The following PTPN6 variants were observed in gnomAD, a reference collection of about 807,000 sequenced individuals.
PTPN6 encodes protein tyrosine phosphatase non-receptor type 6.
Under a neutral mutation model 81.5 loss-of-function variants are expected in PTPN6, and 18 were observed. That is an observed-to-expected ratio of 0.22 (90% CI 0.15 to 0.33). The LOEUF (loss-of-function observed/expected upper bound fraction) is 0.33, where lower values mean the gene tolerates loss of function less well. Among genes scored for constraint, PTPN6 ranks in the 10% least tolerant of loss-of-function variants. The pLI, the probability that PTPN6 is intolerant of heterozygous loss-of-function variation, is 1.00. For synonymous variants in PTPN6, 301 were observed against 310.9 expected (o/e 0.97, Z 0.33); for missense variants, 500 against 794.2 (o/e 0.63, Z 4.45).
rs114389104 is a variant in PTPN6, at chr12:6,952,664, G to T, written c.326+487G>T. 2,556 of 257,184 alleles carry T rather than the reference G, an allele frequency of 9.9e-3. 50 individuals are homozygous for T. Among genetic ancestry groups the T allele is most frequent in the African/African-American group, 0.044 (2,003 of 45,064 alleles). The allele number at this position is 257,184 out of a possible 1,614,324, so 15.9% of individuals were successfully genotyped here. The stretch of plus-strand genomic sequence containing the variant: ...GATGCCTTGTCCCAGCCGCCCCGTG[G>T]GGATGGGTCTGTCCTGTGGGGTCAA... On this transcript the variant is annotated intron_variant, in intron 3 of 15. Coordinates refer to ENST00000318974, the MANE Select transcript of PTPN6 (RefSeq NM_002831.6). The surrounding 1 kb of genome is among the most constrained non-coding windows in gnomAD (Gnocchi z 8.1).
rs781832629 is a variant in PTPN6 at position 6,957,880 on chromosome 12, G to A, written c.1207-39G>A. ...TAGGGTGAGATGGATGAGGTGTTCCGAGAGAGGAGGGGGCACTGACCCTAT... is the reference window on the plus strand; with the variant it reads ...TAGGGTGAGATGGATGAGGTGTTCCAAGAGAGGAGGGGGCACTGACCCTAT... On this transcript the variant is annotated intron_variant, in intron 10 of 15. Coordinates refer to ENST00000318974, the MANE Select transcript of PTPN6 (RefSeq NM_002831.6). The surrounding 1 kb of genome is among the most constrained non-coding windows in gnomAD (Gnocchi z 6.5). The A allele has an allele frequency of 2.5e-6, 4 of 1,613,942 alleles. No individual in the cohort carries two copies. Among genetic ancestry groups the A allele is most frequent in the South Asian group, 1.1e-5 (1 of 91,066 alleles).
chr12:6,952,256 C>T lies in PTPN6; in HGVS notation c.326+79C>T. 4.5e-6 allele frequency: 7 copies of T among 1,556,754 alleles called. No homozygotes were observed. The highest frequency in any genetic ancestry group is 6.2e-6 in the Non-Finnish European group (7 of 1,133,370). On this transcript the variant is annotated intron_variant, in intron 3 of 15. Transcript: ENST00000318974. The surrounding 1 kb of genome is among the most constrained non-coding windows in gnomAD (Gnocchi z 8.1). ...CTGAACAGCCAGGGAGGCAGGGAGACTGGCAGCCGGCGCTGCCTACCCTCC... is the reference window on the plus strand; with the variant it reads ...CTGAACAGCCAGGGAGGCAGGGAGATTGGCAGCCGGCGCTGCCTACCCTCC...
Position 6,956,342 on chromosome 12 carries a change from G to T in PTPN6, c.925-77G>T. 1 of 1,612,016 alleles carries T rather than the reference G, an allele frequency of 6.2e-7. No homozygotes were observed. Among genetic ancestry groups the T allele is most frequent in the Non-Finnish European group, 8.5e-7 (1 of 1,178,124 alleles). ...GAAGCTGGCTTCTTGCATGGGTGAG[G>T]GTGGCAGTGGTTCAGGGCCTGTGCT... On this transcript the variant is annotated intron_variant, in intron 8 of 15. Coordinates refer to ENST00000318974, the MANE Select transcript of PTPN6 (RefSeq NM_002831.6). The surrounding 1 kb of genome is among the most constrained non-coding windows in gnomAD (Gnocchi z 4.1).
chr12:6,950,970 G>A (rs189414419), upstream of PTPN6, among the ~76,000 whole-genome samples: 104 of 152,290 alleles, frequency 6.8e-4, no homozygotes, highest in African/African-American at 2.2e-3. Flanking sequence ...CACAGCGCCC[G>A]GCATCCAGCA....
chr12:6,947,578 A>G (rs781962182), upstream of PTPN6, among the ~76,000 whole-genome samples: 1 of 149,902 alleles, frequency 6.7e-6, no homozygotes, highest in East Asian at 2.0e-4. Context: ...CTAAGGTGAG[A>G]GGCTTGCTTG....
Position 6,960,102 on chromosome 12 carries a change from A to G in PTPN6, c.1444A>G (p.Ile482Val). The G allele has an allele frequency of 6.2e-7, 1 of 1,613,760 alleles. No individual in the cohort carries two copies. The highest frequency in any genetic ancestry group is 1.1e-5 in the South Asian group (1 of 91,082). ...NISTKGLDCD[I>V]DIQKTIQMVR... ...CCCCCACCCAGGCCTGGACTGTGAC[A>G]TTGACATCCAGAAGACCATCCAGAT... Residue 482 changes from isoleucine (I) to valine (V), a missense_variant, in exon 13 of 16, where the codon ATT (isoleucine) becomes GTT (valine). Ile to Val is a conservative substitution (Grantham distance 29). This residue lies in a region of PTPN6 where 226 missense variants were observed against 364.4 expected (regional missense o/e 0.62). Coordinates refer to ENST00000318974, the MANE Select transcript of PTPN6 (RefSeq NM_002831.6). This position sits in a 1 kb window ranked among gnomAD's most constrained non-coding sequence, Gnocchi z 6.1.
chr12:6,948,495 A>T (rs1375254739), upstream of PTPN6, among the ~76,000 whole-genome samples: 1 of 151,490 alleles, frequency 6.6e-6, no homozygotes, highest in African/African-American at 2.4e-5. Flanking sequence ...GAAAAAGAGA[A>T]AGAAGGAAAA....
At position 6,952,257 on chromosome 12, in the gene PTPN6, T is replaced by A; in HGVS notation, c.326+80T>A. ...TGAACAGCCAGGGAGGCAGGGAGAC[T>A]GGCAGCCGGCGCTGCCTACCCTCCA... On this transcript the variant is annotated intron_variant, in intron 3 of 15. Coordinates refer to ENST00000318974, the MANE Select transcript of PTPN6 (RefSeq NM_002831.6). This position sits in a 1 kb window ranked among gnomAD's most constrained non-coding sequence, Gnocchi z 8.1. 1 of 1,552,162 alleles carries A rather than the reference T, an allele frequency of 6.4e-7. No homozygotes were observed. The highest frequency in any genetic ancestry group is 8.9e-7 in the Non-Finnish European group (1 of 1,129,460).
chr12:6,946,615 T>C (rs967370119), upstream of PTPN6: 36 of 860,614 alleles, frequency 4.2e-5, no homozygotes, highest in Non-Finnish European at 6.0e-5. Context: ...AAGTGGCTGA[T>C]TACTGAGCGG....
chr12:6,955,893 A>C lies in PTPN6; in HGVS notation c.844+137A>C. 1.1e-6 allele frequency: 1 copy of C among 878,960 alleles called. No homozygotes were observed. The highest frequency in any genetic ancestry group is 1.8e-6 in the Non-Finnish European group (1 of 545,924). The allele number at this position is 878,960 out of a possible 1,614,324, so 54.4% of individuals were successfully genotyped here. On this transcript the variant is annotated intron_variant, in intron 7 of 15. Transcript: ENST00000318974. This position sits in a 1 kb window ranked among gnomAD's most constrained non-coding sequence, Gnocchi z 7.2. ...CCCCACAGAGCCTCCCCCTTCTCCA[A>C]AAGGCCTCTACTCCTCCCAGAAGTG... is the stretch of plus-strand genomic sequence containing the variant.
chr12:6,946,811 C>G (rs1945827419), upstream of PTPN6: 9 of 1,475,302 alleles, frequency 6.1e-6, no homozygotes, highest in Admixed American at 1.8e-5. Flanking sequence ...TGTTGATGCT[C>G]ACTCCGACGT....
intron 11 of PTPN6, among the ~76,000 whole-genome samples, chr12:6,958,883 G>A (rs1175169924): frequency 2.0e-5 from 3 of 152,182 alleles, no homozygotes; most frequent in African/African-American, 7.2e-5. Flanking sequence ...CAGGGTTGTC[G>A]TGAGAACTCA....
chr12:6,946,904 C>A (rs74057231), upstream of PTPN6, among the ~76,000 whole-genome samples: 62 of 150,544 alleles, frequency 4.1e-4, no homozygotes, highest in African/African-American at 1.3e-3. Context: ...GGTGTGAGGA[C>A]CCCCGGCTCA....
Position 6,960,492 on chromosome 12 carries a change from A to G in PTPN6, c.1673+57A>G. 6.5e-7 allele frequency: 1 copy of G among 1,548,610 alleles called. No homozygotes were observed. ...CCACCCCTTTGTCCTGCCCAGCCCG[A>G]TCCTCACTTTCTGGAGAGGACAAGT... On this transcript the variant is annotated intron_variant, in intron 14 of 15. Coordinates refer to ENST00000318974, the MANE Select transcript of PTPN6 (RefSeq NM_002831.6). The surrounding 1 kb of genome is among the most constrained non-coding windows in gnomAD (Gnocchi z 6.1).
chr12:6,946,893 A>AG (rs1945830215), upstream of PTPN6, among the ~76,000 whole-genome samples: 1 of 151,080 alleles, frequency 6.6e-6, no homozygotes, highest in South Asian at 2.1e-4. Flanking sequence ...CCTTCCCGCA[A>AG]GGTGTGAGGA....
At chr12:6,947,058 T>G (rs782220144), upstream of PTPN6, among the ~76,000 whole-genome samples, 1 of 152,070 alleles carries the variant, frequency 6.6e-6, no homozygotes, top group African/African-American at 2.4e-5. Flanking sequence ...TCACAACACC[T>G]CAAACATAGC....
At position 6,959,449 on chromosome 12, in the gene PTPN6, A is replaced by C; in HGVS notation, c.1362-478A>C. On this transcript the variant is annotated intron_variant, in intron 11 of 15. Coordinates refer to ENST00000318974, the MANE Select transcript of PTPN6 (RefSeq NM_002831.6). This position sits in a 1 kb window ranked among gnomAD's most constrained non-coding sequence, Gnocchi z 6.6. ...CTGCACTGCTCCCCTGAGTCCCCTG[A>C]CCCTGTGCCCCCGCACCCTGCTGTC... is the stretch of plus-strand genomic sequence containing the variant. The C allele has an allele frequency of 3.9e-6, 1 of 253,952 alleles. No individual in the cohort carries two copies. The highest frequency in any genetic ancestry group is 4.3e-5 in the South Asian group (1 of 23,200). The allele number at this position is 253,952 out of a possible 1,614,324, so 15.7% of individuals were successfully genotyped here. A position where few individuals can be genotyped will look rare whatever the true frequency, so the allele number is the denominator to read the frequency against.
In PTPN6 at chr12:6,958,016, A is replaced by G. The variant is rs1356734316; in HGVS notation, c.1304A>G (p.Gln435Arg). 3.1e-6 allele frequency: 5 copies of G among 1,613,436 alleles called. No homozygotes were observed. The African/African-American group carries it at 6.7e-5, about 22-fold the overall frequency. ...EPGGVLSFLDQINQRQESLPH... is the reference protein window; with the variant it reads ...EPGGVLSFLDRINQRQESLPH... Reference sequence around the variant, plus strand: ...GGGGGTGTCCTCAGCTTCCTGGACCAGATCAACCAGCGGCAGGAAAGTCTG... The same window carrying G: ...GGGGGTGTCCTCAGCTTCCTGGACCGGATCAACCAGCGGCAGGAAAGTCTG... Residue 435 changes from glutamine to arginine, a missense_variant, in exon 11 of 16, where the codon CAG becomes CGG. Gln to Arg is a conservative substitution (Grantham distance 43). Coordinates refer to ENST00000318974, the MANE Select transcript of PTPN6 (RefSeq NM_002831.6).
At position 6,960,441 on chromosome 12, in the gene PTPN6, T is replaced by C. The variant is rs1555149654; in HGVS notation, c.1673+6T>C. 5.0e-6 allele frequency: 8 copies of C among 1,612,692 alleles called. No individual in the cohort carries two copies. The South Asian group carries it at 7.7e-5, about 16-fold the overall frequency. On this transcript the variant is annotated splice_donor_region_variant and intron_variant, in intron 14 of 15. Transcript: ENST00000318974. The surrounding 1 kb of genome is among the most constrained non-coding windows in gnomAD (Gnocchi z 6.1). ...GCCTCCCGCACCTCGTCCAAGTGAG[T>C]GGCCCTGACTGCCACTGCCCGGCAT...
Sources: allele counts gnomAD v4.1 joint callset (sites outside exome capture counted in the v4.1 genomes callset), GRCh38; gene constraint gnomAD v4.1.1; regional missense constraint gnomAD v4.1.1; non-coding constraint Gnocchi (gnomAD v3.1); transcripts MANE v1.5; gene names NCBI Gene and HGNC (gene_info 2026-07-23, HGNC 2026-07-21).